Variants in ANKH observed in about 807,000 individuals in gnomAD.
ANKH encodes the protein ANKH inorganic pyrophosphate transport regulator.
A neutral mutation model predicts 49.0 loss-of-function variants in ANKH; 15 were observed. The observed-to-expected ratio is 0.31, with a 90% CI of 0.20 to 0.47. The LOEUF is 0.47. ANKH is among the 20% of genes least tolerant of loss of function. ANKH has a pLI of 1.00. For missense variants in ANKH, 429 were observed against 652.0 expected (o/e 0.66, Z 3.72); for synonymous variants, 273 against 260.0 (o/e 1.05, Z -0.48).
intron 8 of ANKH, among the ~76,000 whole-genome samples, chr5:14,733,180 T>C (rs1183048074): frequency 6.6e-6 from 1 of 152,208 alleles, no homozygotes; most frequent in African/African-American, 2.4e-5. Context: ...TGAGCAGGTT[T>C]CGAGGCACTG....
At chr5:14,824,527 T>C (rs943073912) in intron 1 of ANKH, among the ~76,000 whole-genome samples, 2 of 152,214 alleles carry the variant, frequency 1.3e-5, no homozygotes, top group Non-Finnish European at 2.9e-5. Flanking sequence ...TATTGGTTCA[T>C]AGAATGCGAA....
At chr5:14,841,851 C>T (rs1053839776) in intron 1 of ANKH, among the ~76,000 whole-genome samples, 1 of 152,052 alleles carries the variant, frequency 6.6e-6, no homozygotes, top group South Asian at 2.1e-4. Flanking sequence ...TATTTGTGAC[C>T]GGCTTATTTC....
chr5:14,860,284 G>A (rs924842987), intron 1 of ANKH, among the ~76,000 whole-genome samples: 7 of 152,214 alleles, frequency 4.6e-5, no homozygotes, highest in Non-Finnish European at 8.8e-5. Flanking sequence ...TGACTCCCTT[G>A]TCAGGCTGGC....
chr5:14,719,786 G>T (rs2126422983), intron 8 of ANKH, among the ~76,000 whole-genome samples: 1 of 152,280 alleles, frequency 6.6e-6, no homozygotes, highest in Non-Finnish European at 1.5e-5. Flanking sequence ...CACTGAAGAG[G>T]TGGGCTGGGG....
intron 1 of ANKH, among the ~76,000 whole-genome samples, chr5:14,783,289 T>TATACAC (rs1739864703): frequency 6.9e-6 from 1 of 144,530 alleles, no homozygotes; most frequent in African/African-American, 2.6e-5. Flanking sequence ...GCCACCATTC[T>TATACAC]ACACACACAC....
At position 14,738,314 on chromosome 5, in the gene ANKH, G is replaced by T. The variant is rs73048845; in HGVS notation, c.1011+3513C>A. 7.2e-5 allele frequency among the ~76,000 whole-genome samples: 11 copies of T among 152,336 alleles called. No homozygotes were observed. The South Asian group carries it at 1.5e-3, about 20-fold the overall frequency. On this transcript the variant is annotated intron_variant, in intron 8 of 11. Transcript: ENST00000284268. ...TCAAATGTCAGGGCCTGGAAAGGGG[G>T]CTGTTCTGAGGGAAGGATGCATTTT... is the stretch of plus-strand genomic sequence containing the variant.
intron 8 of ANKH, among the ~76,000 whole-genome samples, chr5:14,718,158 C>CA (rs1414677199): frequency 1.3e-5 from 2 of 152,166 alleles, no homozygotes; most frequent in Non-Finnish European, 2.9e-5. Flanking sequence ...GAGCAGCCAT[C>CA]AGTGAGGCCC....
chr5:14,791,035 G>C (rs1160379962), intron 1 of ANKH, among the ~76,000 whole-genome samples: 1 of 152,178 alleles, frequency 6.6e-6, no homozygotes, highest in African/African-American at 2.4e-5. Context: ...CTCAGCTCTT[G>C]TGAAGGACAA....
chr5:14,777,783 T>C (rs1739675630), intron 1 of ANKH, among the ~76,000 whole-genome samples: 2 of 152,176 alleles, frequency 1.3e-5, no homozygotes, highest in South Asian at 4.1e-4. Flanking sequence ...GCTCAGCTCA[T>C]CTCCTGTCTG....
At chr5:14,870,758 G>GA (rs545521089) in intron 1 of ANKH, 2,190 of 87,672 alleles carry the variant, frequency 0.025, 26 homozygotes, top group African/African-American at 0.059. Flanking sequence ...AGTGGTCCAT[G>GA]AAAAAAAAAA....
intron 1 of ANKH, among the ~76,000 whole-genome samples, chr5:14,776,725 T>C (rs530881056): frequency 1.3e-5 from 2 of 152,338 alleles, no homozygotes; most frequent in East Asian, 3.9e-4. Flanking sequence ...GTCTCCAGCA[T>C]GAATTAGGCC....
At chr5:14,817,438 A>C (rs899555893) in intron 1 of ANKH, among the ~76,000 whole-genome samples, 6 of 152,218 alleles carry the variant, frequency 3.9e-5, no homozygotes, top group African/African-American at 1.4e-4. Context: ...GAATATAGGC[A>C]TTTCTGAACT....
At chr5:14,864,179 C>G (rs1037696804) in intron 1 of ANKH, among the ~76,000 whole-genome samples, 1 of 152,226 alleles carries the variant, frequency 6.6e-6, no homozygotes, top group Non-Finnish European at 1.5e-5. Flanking sequence ...CACCATTGTT[C>G]TCCAGCCTGG....
chr5:14,782,885 G>C (rs143491471), intron 1 of ANKH, among the ~76,000 whole-genome samples: 2 of 152,306 alleles, frequency 1.3e-5, no homozygotes, highest in East Asian at 3.9e-4. Context: ...GGGATGCCAA[G>C]TGAACCTCTA....
At chr5:14,836,199 A>C (rs900311065) in intron 1 of ANKH, among the ~76,000 whole-genome samples, 21 of 152,322 alleles carry the variant, frequency 1.4e-4, no homozygotes, top group African/African-American at 4.8e-4. Context: ...TCCCTTTGAA[A>C]ACTGGCACAA....
At chr5:14,868,498 A>C (rs1376271390) in intron 1 of ANKH, 1 of 150,668 alleles carries the variant, frequency 6.6e-6, no homozygotes, top group Non-Finnish European at 1.5e-5. Flanking sequence ...CCTGGGGTTC[A>C]ATGCAATTCT....
chr5:14,769,415 T>C (rs1042767464), intron 1 of ANKH, among the ~76,000 whole-genome samples: 1 of 152,184 alleles, frequency 6.6e-6, no homozygotes, highest in Non-Finnish European at 1.5e-5. Context: ...CCACTGCAGT[T>C]AAAATAATAG....
chr5:14,833,250 G>C (rs1741554047), intron 1 of ANKH, among the ~76,000 whole-genome samples: 1 of 152,176 alleles, frequency 6.6e-6, no homozygotes, highest in Non-Finnish European at 1.5e-5. Context: ...TTCTATCAGA[G>C]GAATTAAGAC....
rs1737342274 is a variant in ANKH at position 14,713,937 on chromosome 5, C to CA, written c.1142-271dup. The stretch of plus-strand genomic sequence containing the variant: ...CTTTCTCCACTGGGACAGCATCTTC[C>CA]AGGCAGCCTAGCTGCTCTTGTCCAG... On this transcript the variant is annotated intron_variant, in intron 9 of 11. Coordinates refer to ENST00000284268, the MANE Select transcript of ANKH (RefSeq NM_054027.6). The surrounding 1 kb of genome is among the most constrained non-coding windows in gnomAD (Gnocchi z 4.4). 6.6e-6 allele frequency among the ~76,000 whole-genome samples: 1 copy of CA among 152,366 alleles called. No homozygotes were observed. The highest frequency in any genetic ancestry group is 2.4e-5 in the African/African-American group (1 of 41,598).
Sources: gnomAD v4.1 joint callset for allele counts (sites outside exome capture counted in the v4.1 genomes callset) on GRCh38, gnomAD v4.1.1 for gene constraint, Gnocchi (gnomAD v3.1) non-coding constraint, MANE v1.5 for transcripts, NCBI Gene and HGNC (gene_info 2026-07-23, HGNC 2026-07-21) for gene names.